The following CHODL variants were observed in gnomAD, a reference collection of about 807,000 sequenced individuals.
The protein encoded by CHODL is transmembrane protein MT75.
In CHODL, 29 loss-of-function variants were observed where a neutral mutation model predicts 34.5. The ratio of observed to expected loss-of-function variants is 0.84; its 90% CI spans 0.63 to 1.15. The LOEUF (loss-of-function observed/expected upper bound fraction) is 1.15, where lower values mean the gene tolerates loss of function less well. CHODL is among the 50% of genes most tolerant of loss of function. CHODL has a pLI of 0.00. For synonymous variants in CHODL, 125 were observed against 116.1 expected (o/e 1.08, Z -0.49); for missense variants, 332 against 332.5 (o/e 1.00, Z 0.01).
chr21:18,044,080 TTTTCC>T (rs1371083084), intron 2 of CHODL, among the ~76,000 whole-genome samples: 1 of 152,030 alleles, frequency 6.6e-6, no homozygotes, highest in Admixed American at 6.6e-5. Context: ...CTATAGTTTC[TTTTCC>T]TTTCAGTCCT....
At chr21:18,082,547 G>T (rs563792084) in intron 2 of CHODL, among the ~76,000 whole-genome samples, 20 of 152,276 alleles carry the variant, frequency 1.3e-4, no homozygotes, top group Non-Finnish European at 2.5e-4. Context: ...CTAAAGACTT[G>T]TTGAGTGGTT....
intron 2 of CHODL, among the ~76,000 whole-genome samples, chr21:18,233,045 A>T (rs925302515): frequency 2.0e-5 from 3 of 150,326 alleles, no homozygotes; most frequent in Non-Finnish European, 4.4e-5. Flanking sequence ...GCTAATTAAC[A>T]TATCAATAAC....
At position 18,260,151 on chromosome 21, in the gene CHODL, A is replaced by G. The variant is rs773668422; in HGVS notation, c.548-49A>G. On this transcript the variant is annotated intron_variant, in intron 3 of 5. Transcript: ENST00000299295. ...AATTTCATATTTATATATATTTTCA[A>G]TTCTCTTGTTTAATCATTATATATG... The G allele has an allele frequency of 1.6e-5, 13 of 824,532 alleles. No homozygotes were observed. In the East Asian group the frequency reaches 3.1e-4, roughly 19 times the overall value. The allele number at this position is 824,532 out of a possible 1,614,324, so 51.1% of individuals were successfully genotyped here. A position where few individuals can be genotyped will look rare whatever the true frequency, so the allele number is the denominator to read the frequency against.
intron 2 of CHODL, among the ~76,000 whole-genome samples, chr21:18,194,690 G>A (rs1177932527): frequency 2.0e-5 from 3 of 151,512 alleles, no homozygotes; most frequent in Admixed American, 1.3e-4. Context: ...TTTCACATAG[G>A]TATACATTGA....
chr21:18,173,964 C>G (rs2073261818), intron 2 of CHODL, among the ~76,000 whole-genome samples: 1 of 150,786 alleles, frequency 6.6e-6, no homozygotes, highest in East Asian at 1.9e-4. Flanking sequence ...CTATTTATCC[C>G]TGATAAAAAT....
At chr21:18,151,965 T>A (rs1327625534) in intron 2 of CHODL, among the ~76,000 whole-genome samples, 1 of 151,186 alleles carries the variant, frequency 6.6e-6, no homozygotes, top group African/African-American at 2.4e-5. Flanking sequence ...ATTCAGTCCA[T>A]GTTAGGCAAT....
At chr21:18,088,894 C>T (rs2146526041) in intron 2 of CHODL, among the ~76,000 whole-genome samples, 1 of 152,288 alleles carries the variant, frequency 6.6e-6, no homozygotes, top group Admixed American at 6.5e-5. Context: ...GACTGAAAAT[C>T]AGCACTCCTT....
At chr21:17,977,698 C>T (rs2146370226) in intron 1 of CHODL, among the ~76,000 whole-genome samples, 1 of 147,228 alleles carries the variant, frequency 6.8e-6, no homozygotes, top group East Asian at 2.1e-4. Context: ...GCAGGCGAAT[C>T]CCGAGGTCAA....
At chr21:18,250,464 A>G (rs1304226756) in intron 1 of CHODL, among the ~76,000 whole-genome samples, 1 of 151,872 alleles carries the variant, frequency 6.6e-6, no homozygotes, top group African/African-American at 2.4e-5. Context: ...TAAAATTATA[A>G]ATAAATTTGT....
rs909545074 is a variant in CHODL, at chr21:18,248,631, AATAC to A, written c.79+3333_79+3336del. Among the ~76,000 whole-genome samples, 128 of 130,750 alleles carry A rather than the reference AATAC, an allele frequency of 9.8e-4. No homozygotes were observed. In the Middle Eastern group the frequency reaches 0.025, roughly 26 times the overall value. The allele number at this position is 130,750 out of a possible 152,430, so 85.8% of individuals were successfully genotyped here. A position where few individuals can be genotyped will look rare whatever the true frequency, so the allele number is the denominator to read the frequency against. On this transcript the variant is annotated intron_variant, in intron 1 of 5. Transcript: ENST00000299295. ...TGTATAATACATATATAATATATAT[AATAC>A]ATATATGTATATATTATATACATAT... is the stretch of plus-strand genomic sequence containing the variant.
intron 2 of CHODL, among the ~76,000 whole-genome samples, chr21:18,110,069 C>T (rs914302443): frequency 3.3e-5 from 5 of 152,074 alleles, no homozygotes; most frequent in Admixed American, 3.3e-4. Context: ...AGATGGGCAC[C>T]GGGGATGCTG....
chr21:18,001,289 T>C (rs557694454), intron 1 of CHODL, among the ~76,000 whole-genome samples: 115 of 152,340 alleles, frequency 7.5e-4, no homozygotes, highest in African/African-American at 2.7e-3. Flanking sequence ...GGGCGGAGTG[T>C]ATGAGAACAA....
chr21:18,123,192 A>G (rs1202931452), intron 2 of CHODL, among the ~76,000 whole-genome samples: 1 of 152,234 alleles, frequency 6.6e-6, no homozygotes, highest in Non-Finnish European at 1.5e-5. Context: ...CCTCAGGCAC[A>G]TACCCTCACT....
chr21:17,998,799 A>G (rs1300733810), intron 1 of CHODL, among the ~76,000 whole-genome samples: 1 of 152,214 alleles, frequency 6.6e-6, no homozygotes, highest in Non-Finnish European at 1.5e-5. Context: ...GGCCCAGCCC[A>G]CAAAACCACT....
intron 2 of CHODL, among the ~76,000 whole-genome samples, chr21:18,050,379 G>T (rs2064498618): frequency 6.6e-6 from 1 of 151,962 alleles, no homozygotes; most frequent in African/African-American, 2.4e-5. Flanking sequence ...GTTTAAGCAA[G>T]AAAGGCATTT....
rs571042586 is a variant in CHODL, at chr21:18,233,475, T to C, written c.-44-23034T>C. Among the ~76,000 whole-genome samples the C allele has an allele frequency of 1.0e-3, 152 of 152,180 alleles. 1 individual carries two copies. Among genetic ancestry groups the C allele is most frequent in the African/African-American group, 3.5e-3 (146 of 41,540 alleles). The stretch of plus-strand genomic sequence containing the variant: ...CATTCATGAGGATGAAACAAGTTAA[T>C]ATATTAAATGTTTCAAAACAGTGCC... On this transcript the variant is annotated intron_variant, in intron 2 of 6. Transcript: ENST00000400127.
chr21:18,100,673 T>C (rs1221248123), intron 2 of CHODL, among the ~76,000 whole-genome samples: 2 of 152,118 alleles, frequency 1.3e-5, no homozygotes, highest in Non-Finnish European at 2.9e-5. Flanking sequence ...TTTAACATTT[T>C]AATTTTGTGC....
At chr21:18,106,022 G>A (rs2065268020) in intron 2 of CHODL, among the ~76,000 whole-genome samples, 1 of 152,188 alleles carries the variant, frequency 6.6e-6, no homozygotes, top group South Asian at 2.1e-4. Flanking sequence ...GAGCAAAGGA[G>A]GGCACACTTA....
At chr21:18,258,702 A>G (rs1044720383) in intron 3 of CHODL, among the ~76,000 whole-genome samples, 27 of 152,122 alleles carry the variant, frequency 1.8e-4, no homozygotes, top group African/African-American at 5.8e-4. Flanking sequence ...GTTTTGAAGC[A>G]CATTCACGGG....
Sources: allele counts gnomAD v4.1 joint callset (sites outside exome capture counted in the v4.1 genomes callset), GRCh38; gene constraint gnomAD v4.1.1; transcripts MANE v1.5; gene names NCBI Gene and HGNC (gene_info 2026-07-23, HGNC 2026-07-21).